ZNF423: variants seen among roughly 807,000 people sequenced by gnomAD.
The protein encoded by ZNF423 is Ebf-associated zinc finger protein.
Under a neutral mutation model 95.8 loss-of-function variants are expected in ZNF423, and 12 were observed. The observed-to-expected ratio is 0.13, with a 90% CI of 0.08 to 0.20. The LOEUF is 0.20. Among genes scored for constraint, ZNF423 ranks in the 10% least tolerant of loss-of-function variants. ZNF423 has a pLI of 1.00. For synonymous variants in ZNF423, 749 were observed against 711.9 expected (o/e 1.05, Z -0.83); for missense variants, 1,316 against 1,737.1 (o/e 0.76, Z 4.31).
intron 3 of ZNF423, among the ~76,000 whole-genome samples, chr16:49,707,484 G>A (rs2032390729): frequency 6.6e-6 from 1 of 151,886 alleles, no homozygotes; most frequent in Admixed American, 6.6e-5. Context: ...AGGTATGGTG[G>A]CAGGCGCTTG....
intron 7 of ZNF423, among the ~76,000 whole-genome samples, chr16:49,510,694 C>T (rs1014349564): frequency 1.3e-5 from 2 of 152,228 alleles, no homozygotes; most frequent in Non-Finnish European, 2.9e-5. Flanking sequence ...GAGGCTCCCT[C>T]TTTGTCTGAG....
At chr16:49,592,231 C>T (rs1384003654) in intron 5 of ZNF423, among the ~76,000 whole-genome samples, 3 of 152,324 alleles carry the variant, frequency 2.0e-5, no homozygotes, top group East Asian at 3.9e-4. Flanking sequence ...AAATTGTTAA[C>T]AGCAGTTTTC....
Position 49,636,164 on chromosome 16 carries a change from G to A in ZNF423, c.3012C>T (p.Pro1004=), listed in dbSNP as rs200127497. Residue 1004 remains proline, a synonymous_variant, in exon 4 of 8, where the codon CCC becomes CCT. Transcript: ENST00000563137. The surrounding 1 kb of genome is among the most constrained non-coding windows in gnomAD (Gnocchi z 8.6). ...CAATAAACTCCTCCTCGCTCTGCAG[G>A]GGCATCTTGCAGATGCGACAGGTGC... The part of the protein sequence containing the change: ...DTGTCRICKM[P]LQSEEEFIEH... 6.2e-7 allele frequency: 1 copy of A among 1,613,668 alleles called. No individual in the cohort carries two copies. The highest frequency in any genetic ancestry group is 2.2e-5 in the East Asian group (1 of 44,870).
At chr16:49,577,740 C>A (rs569200693) in intron 5 of ZNF423, among the ~76,000 whole-genome samples, 1 of 152,158 alleles carries the variant, frequency 6.6e-6, no homozygotes, top group Non-Finnish European at 1.5e-5. Flanking sequence ...GATTTCCCCA[C>A]GCCCCACTGA....
At chr16:49,593,249 A>T (rs1315206367) in intron 5 of ZNF423, among the ~76,000 whole-genome samples, 3 of 152,110 alleles carry the variant, frequency 2.0e-5, no homozygotes, top group African/African-American at 7.2e-5. Flanking sequence ...CCTGGGCAAC[A>T]TAGCAAGATC....
intron 3 of ZNF423, among the ~76,000 whole-genome samples, chr16:49,668,164 C>G (rs1215122665): frequency 6.6e-6 from 1 of 152,176 alleles, no homozygotes; most frequent in East Asian, 1.9e-4. Context: ...GGCCCTTTTC[C>G]TTGCAGGAGT....
chr16:49,774,398 G>A (rs1198378708), intron 2 of ZNF423, among the ~76,000 whole-genome samples: 10 of 152,090 alleles, frequency 6.6e-5, no homozygotes, highest in Non-Finnish European at 5.9e-5. Context: ...TCCCAGTCCT[G>A]CCCACCAGGA....
At chr16:49,564,503 C>T (rs926645433) in intron 5 of ZNF423, among the ~76,000 whole-genome samples, 62 of 152,156 alleles carry the variant, frequency 4.1e-4, no homozygotes, top group African/African-American at 1.4e-3. Flanking sequence ...AGAAGACATC[C>T]CTTAAACATA....
intron 1 of ZNF423, among the ~76,000 whole-genome samples, chr16:49,839,478 G>A (rs767623752): frequency 6.6e-6 from 1 of 152,188 alleles, no homozygotes; most frequent in Non-Finnish European, 1.5e-5. Context: ...GAGTTCTGCC[G>A]GGTGGCGCTC....
chr16:49,497,415 A>C (rs1475027409), intron 7 of ZNF423, among the ~76,000 whole-genome samples: 3 of 152,156 alleles, frequency 2.0e-5, no homozygotes, highest in East Asian at 1.9e-4. Flanking sequence ...AAGACCATTA[A>C]GAGGCAAAAA....
chr16:49,676,919 T>C (rs2031074901), intron 3 of ZNF423, among the ~76,000 whole-genome samples: 1 of 152,086 alleles, frequency 6.6e-6, no homozygotes, highest in African/African-American at 2.4e-5. Flanking sequence ...GAGAGCTTTT[T>C]AGAAATGTAG....
At chr16:49,837,588 G>A (rs545491407) in intron 1 of ZNF423, among the ~76,000 whole-genome samples, 3 of 152,264 alleles carry the variant, frequency 2.0e-5, no homozygotes, top group African/African-American at 4.8e-5. Context: ...CCCAGTACCC[G>A]ACCCTGCCTC....
At chr16:49,523,073 G>A (rs1968463574) in intron 7 of ZNF423, among the ~76,000 whole-genome samples, 1 of 152,206 alleles carries the variant, frequency 6.6e-6, no homozygotes, top group African/African-American at 2.4e-5. Context: ...GGCTGGGGAT[G>A]AGGATGCAAG....
At chr16:49,838,196 C>G (rs1160314572) in intron 1 of ZNF423, among the ~76,000 whole-genome samples, 4 of 152,354 alleles carry the variant, frequency 2.6e-5, no homozygotes, top group Admixed American at 2.6e-4. Context: ...GCTGCACCCC[C>G]GGGGCCAGGC....
intron 5 of ZNF423, among the ~76,000 whole-genome samples, chr16:49,604,406 G>C (rs145505135): frequency 4.1e-4 from 62 of 152,130 alleles, no homozygotes; most frequent in African/African-American, 1.4e-3. Context: ...TCAAAGGACA[G>C]AACAGAGCAA....
intron 3 of ZNF423, among the ~76,000 whole-genome samples, chr16:49,648,801 A>G (rs1973279180): frequency 2.6e-5 from 4 of 152,212 alleles, no homozygotes; most frequent in Admixed American, 2.6e-4. Flanking sequence ...AGTCACAACA[A>G]AGGCTCTTTG....
intron 1 of ZNF423, among the ~76,000 whole-genome samples, chr16:49,834,072 C>T (rs1158155735): frequency 6.6e-6 from 1 of 152,228 alleles, no homozygotes; most frequent in Non-Finnish European, 1.5e-5. Context: ...ATCCCAAGTC[C>T]TCAGTGGGCT....
chr16:49,807,287 C>T (rs892918925), intron 1 of ZNF423, among the ~76,000 whole-genome samples: 1 of 151,100 alleles, frequency 6.6e-6, no homozygotes, highest in Non-Finnish European at 1.5e-5. Context: ...AAAAATTAGC[C>T]GGGCGTGGTG....
Position 49,638,594 on chromosome 16 carries a change from C to T in ZNF423, c.582G>A (p.Lys194=). The change falls in exon 4 of 8, where the codon AAG becomes AAA. Residue 194 remains lysine (K), a synonymous_variant. Transcript: ENST00000563137. This position sits in a 1 kb window ranked among gnomAD's most constrained non-coding sequence, Gnocchi z 5.6. ...GATACTTCTTGTCGCCCGTATGCAG[C>T]TTGATGTGCCGGTCACGGCTCCTCT... ...KHKRSRDRHI[K]LHTGDKKYHC... 1 of 1,613,842 alleles carries T rather than the reference C, an allele frequency of 6.2e-7. No homozygotes were observed. The highest frequency in any genetic ancestry group is 8.5e-7 in the Non-Finnish European group (1 of 1,179,960).
Sources: allele counts gnomAD v4.1 joint callset (sites outside exome capture counted in the v4.1 genomes callset), GRCh38; gene constraint gnomAD v4.1.1; non-coding constraint Gnocchi (gnomAD v3.1); transcripts MANE v1.5; gene names NCBI Gene and HGNC (gene_info 2026-07-23, HGNC 2026-07-21).